Variants in ITIH6 observed in about 807,000 individuals in gnomAD.
The protein encoded by ITIH6 is inter-alpha-trypsin inhibitor heavy chain H6.
In ITIH6, 60 loss-of-function variants were observed where a neutral mutation model predicts 58.2. The observed-to-expected ratio is 1.03, with a 90% CI of 0.84 to 1.28. The LOEUF is 1.28. Ranked by LOEUF, ITIH6 falls within the 50% of genes most tolerant of loss-of-function variation. The pLI is 0.00. For synonymous variants in ITIH6, 493 were observed against 417.4 expected, an observed-to-expected ratio of 1.18 and a Z score of -2.21; for missense variants, 1,290 against 1,021.1, an observed-to-expected ratio of 1.26 and a Z score of -3.59.
intron 6 of ITIH6, among the ~76,000 whole-genome samples, chrX:54,764,365 C>T (rs974854868): frequency 4.6e-5 from 5 of 107,932 alleles, no homozygotes; most frequent in Non-Finnish European, 9.6e-5. Flanking sequence ...CCCACTAACT[C>T]GTCATCTAGT....
intron 2 of ITIH6, among the ~76,000 whole-genome samples, chrX:54,796,088 C>T (rs1231756958): frequency 5.4e-5 from 6 of 111,485 alleles, no homozygotes; most frequent in Non-Finnish European, 1.1e-4. Context: ...TAGTCTTGAT[C>T]TCCTGGCCTC....
intron 5 of ITIH6, among the ~76,000 whole-genome samples, chrX:54,780,390 T>C (rs1340796855): frequency 8.9e-6 from 1 of 111,754 alleles, no homozygotes; most frequent in Non-Finnish European, 1.9e-5. Context: ...TAGAAATACA[T>C]GGAAATTAAA....
At chrX:54,754,648 A>G (rs964730361) in intron 9 of ITIH6, among the ~76,000 whole-genome samples, 3 of 111,322 alleles carry the variant, frequency 2.7e-5, no homozygotes, top group African/African-American at 9.8e-5. Context: ...TGCAGCTGAG[A>G]GCGATCCTCC....
chrX:54,751,852 G>A (rs922368553), intron 11 of ITIH6, among the ~76,000 whole-genome samples: 1 of 112,003 alleles, frequency 8.9e-6, no homozygotes, highest in Non-Finnish European at 1.9e-5. Context: ...GTGTCAGTGT[G>A]TGCATCTGGA....
Sources: allele counts gnomAD v4.1 joint callset (sites outside exome capture counted in the v4.1 genomes callset), GRCh38; gene constraint gnomAD v4.1.1; transcripts MANE v1.5; gene names NCBI Gene and HGNC (gene_info 2026-07-23, HGNC 2026-07-21).